The following NKAIN2 variants were observed in gnomAD, a reference collection of about 807,000 sequenced individuals.
The protein encoded by NKAIN2 is sodium/potassium-transporting ATPase subunit beta-1-interacting protein 2.
A neutral mutation model predicts 32.6 loss-of-function variants in NKAIN2; 14 were observed. The ratio of observed to expected loss-of-function variants is 0.43; its 90% CI spans 0.28 to 0.67. NKAIN2 has a LOEUF of 0.67. Among genes scored for constraint, NKAIN2 ranks in the 30% least tolerant of loss-of-function variants. The pLI is 0.17. For missense variants in NKAIN2, 198 were observed against 258.3 expected, an observed-to-expected ratio of 0.77 and a Z score of 1.60; for synonymous variants, 80 against 87.2, an observed-to-expected ratio of 0.92 and a Z score of 0.46.
intron 3 of NKAIN2, among the ~76,000 whole-genome samples, chr6:124,592,866 C>T (rs1480747075): frequency 6.6e-6 from 1 of 152,142 alleles, no homozygotes; most frequent in Non-Finnish European, 1.5e-5. Flanking sequence ...GGAATATGAA[C>T]TCAAAAATGC....
rs1583528550 is a variant in NKAIN2 at position 124,617,809 on chromosome 6, A to G, written c.274-40377A>G. ...ATTAGAAGCATTGTATAGAGGTAAC[A>G]TATTAATTAAAATTAGTTTGATAAA... On this transcript the variant is annotated intron_variant, in intron 3 of 6. Coordinates refer to ENST00000368417, the MANE Select transcript of NKAIN2 (RefSeq NM_001040214.3). Among the ~76,000 whole-genome samples the G allele has an allele frequency of 2.6e-5, 4 of 152,328 alleles. No individual in the cohort carries two copies. The South Asian group carries it at 8.3e-4, about 32-fold the overall frequency.
At chr6:124,463,673 T>C (rs1031256453) in intron 3 of NKAIN2, among the ~76,000 whole-genome samples, 2 of 152,158 alleles carry the variant, frequency 1.3e-5, no homozygotes, top group Non-Finnish European at 2.9e-5. Context: ...CTTAACTTAT[T>C]CTGCCTCAAA....
At chr6:124,508,566 A>G (rs969454491) in intron 3 of NKAIN2, among the ~76,000 whole-genome samples, 1 of 151,868 alleles carries the variant, frequency 6.6e-6, no homozygotes, top group African/African-American at 2.4e-5. Context: ...AATGGTCTCG[A>G]TCTCTTGACC....
intron 5 of NKAIN2, among the ~76,000 whole-genome samples, chr6:124,817,908 A>G (rs1384340126): frequency 2.6e-5 from 4 of 152,214 alleles, no homozygotes; most frequent in African/African-American, 7.2e-5. Flanking sequence ...GACCTCCACC[A>G]TAGTACCTTG....
At chr6:124,650,502 T>C (rs1264873671) in intron 3 of NKAIN2, among the ~76,000 whole-genome samples, 1 of 152,230 alleles carries the variant, frequency 6.6e-6, no homozygotes, top group South Asian at 2.1e-4. Flanking sequence ...TTATAATTTA[T>C]AATTGTGCAT....
At chr6:123,823,546 G>T (rs1419689719) in intron 1 of NKAIN2, among the ~76,000 whole-genome samples, 3 of 152,136 alleles carry the variant, frequency 2.0e-5, no homozygotes, top group Admixed American at 2.0e-4. Context: ...CCGTAGCAAA[G>T]GTGATGGAAA....
At chr6:124,032,704 G>T (rs921806648) in intron 1 of NKAIN2, among the ~76,000 whole-genome samples, 14 of 151,832 alleles carry the variant, frequency 9.2e-5, no homozygotes, top group Admixed American at 2.6e-4. Context: ...TGAAATAATG[G>T]AATCACATTT....
At chr6:124,285,607 A>C (rs1795501565) in intron 2 of NKAIN2, among the ~76,000 whole-genome samples, 1 of 152,024 alleles carries the variant, frequency 6.6e-6, no homozygotes, top group Admixed American at 6.6e-5. Flanking sequence ...TTTAAGTATC[A>C]CTGACTTTCT....
Position 124,823,355 on chromosome 6 carries a change from T to C in NKAIN2, c.*126T>C. 1.3e-6 allele frequency: 1 copy of C among 756,730 alleles called. No homozygotes were observed. Among genetic ancestry groups the C allele is most frequent in the East Asian group, 2.5e-5 (1 of 40,374 alleles). 46.9% of individuals were successfully genotyped at this position (756,730 alleles called of 1,614,324 possible). On this transcript the variant is annotated 3_prime_UTR_variant, in exon 7 of 7. Coordinates refer to ENST00000368417, the MANE Select transcript of NKAIN2 (RefSeq NM_001040214.3). ...TACATACACGTATTAACAAAACAAA[T>C]GCAAAGCCTCTACATACAACACTGA... is the stretch of plus-strand genomic sequence containing the variant.
intron 1 of NKAIN2, among the ~76,000 whole-genome samples, chr6:124,157,288 C>G (rs1236138955): frequency 4.0e-5 from 6 of 150,342 alleles, no homozygotes; most frequent in Non-Finnish European, 5.9e-5. Flanking sequence ...CACACACACA[C>G]AGCATGCTTC....
chr6:124,427,885 G>A (rs1033613472), intron 3 of NKAIN2, among the ~76,000 whole-genome samples: 4 of 152,044 alleles, frequency 2.6e-5, no homozygotes, highest in Admixed American at 6.6e-5. Flanking sequence ...ACAGCTACAT[G>A]TTGGCAATCT....
chr6:124,326,046 T>C (rs1204327210), intron 2 of NKAIN2, among the ~76,000 whole-genome samples: 1 of 151,922 alleles, frequency 6.6e-6, no homozygotes, highest in Non-Finnish European at 1.5e-5. Context: ...TGTATGTATA[T>C]GATATTTTTT....
Position 124,699,460 on chromosome 6 carries a change from G to A in NKAIN2, c.474+41074G>A, listed in dbSNP as rs144191981. Among the ~76,000 whole-genome samples the A allele has an allele frequency of 7.9e-5, 12 of 152,242 alleles. No individual in the cohort carries two copies. In the South Asian group the frequency reaches 8.3e-4, roughly 11 times the overall value. On this transcript the variant is annotated intron_variant, in intron 4 of 6. Coordinates refer to ENST00000368417, the MANE Select transcript of NKAIN2 (RefSeq NM_001040214.3). ...ATCTCTGTCCCTGACCAAATCTCAC[G>A]TCAAATTGTAATCCCCAGTGTTGGA...
chr6:124,461,821 C>T (rs1002142934), intron 3 of NKAIN2, among the ~76,000 whole-genome samples: 28 of 151,692 alleles, frequency 1.8e-4, no homozygotes, highest in Non-Finnish European at 5.9e-5. Context: ...TCCTTGTTAA[C>T]CTCAATCATT....
At position 124,445,312 on chromosome 6, in the gene NKAIN2, T is replaced by C. The variant is rs1261769152; in HGVS notation, c.273+89965T>C. On this transcript the variant is annotated intron_variant, in intron 3 of 6. Transcript: ENST00000368417. ...TATTTGAGGTTTTATGTTGTCCCTA[T>C]ATTACTTTTATCATAAAAATTAATT... 6.6e-5 allele frequency among the ~76,000 whole-genome samples: 10 copies of C among 152,110 alleles called. No homozygotes were observed. The East Asian group carries it at 1.9e-3, about 29-fold the overall frequency.
chr6:124,330,719 G>T (rs551238600), intron 2 of NKAIN2, among the ~76,000 whole-genome samples: 16 of 152,148 alleles, frequency 1.1e-4, no homozygotes, highest in Non-Finnish European at 1.9e-4. Context: ...CAACCCCGGG[G>T]CTATGGACTG....
At chr6:123,980,087 T>G (rs1778819504) in intron 1 of NKAIN2, among the ~76,000 whole-genome samples, 1 of 152,230 alleles carries the variant, frequency 6.6e-6, no homozygotes, top group Non-Finnish European at 1.5e-5. Context: ...AATTTGATCT[T>G]CATATAGACA....
intron 3 of NKAIN2, among the ~76,000 whole-genome samples, chr6:124,444,225 A>G (rs1010316186): frequency 6.6e-6 from 1 of 152,090 alleles, no homozygotes; most frequent in African/African-American, 2.4e-5. Context: ...TTTGGATTAG[A>G]AAATTGATAG....
rs543840009 is a variant in NKAIN2, at chr6:124,658,286, A to T, written c.374A>T (p.Asp125Val). The T allele has an allele frequency of 5.0e-5, 81 of 1,614,140 alleles. No individual in the cohort carries two copies. Among genetic ancestry groups the T allele is most frequent in the Middle Eastern group, 3.3e-4 (2 of 6,058 alleles). The part of the protein sequence containing the change: ...CTVTSVTPAP[D>V]WAPEDHRYIT... ...GTGACGTCAGTGACACCTGCCCCAG[A>T]CTGGGCCCCAGAAGACCATCGCTAC... Residue 125 changes from aspartate to valine, a missense_variant, in exon 4 of 7, where the codon GAC becomes GTC. Physicochemically the swap from Asp to Val is radical, Grantham distance 152. Coordinates refer to ENST00000368417, the MANE Select transcript of NKAIN2 (RefSeq NM_001040214.3).
Sources: gnomAD v4.1 joint callset for allele counts (sites outside exome capture counted in the v4.1 genomes callset) on GRCh38, gnomAD v4.1.1 for gene constraint, MANE v1.5 for transcripts, NCBI Gene and HGNC (gene_info 2026-07-23, HGNC 2026-07-21) for gene names.